Variants in SOX6 observed in about 807,000 individuals in gnomAD.
SOX6 encodes SRY-box transcription factor 6, also known as transcription factor SOX-6.
A neutral mutation model predicts 97.8 loss-of-function variants in SOX6; 11 were observed. The ratio of observed to expected loss-of-function variants is 0.11; its 90% CI spans 0.07 to 0.19. The LOEUF is 0.19. Among genes scored for constraint, SOX6 ranks in the 10% least tolerant of loss-of-function variants. SOX6 has a pLI of 1.00. For synonymous variants in SOX6, 360 were observed against 371.4 expected (o/e 0.97, Z 0.35); for missense variants, 810 against 1,039.5 (o/e 0.78, Z 3.04).
intron 1 of SOX6, among the ~76,000 whole-genome samples, chr11:16,473,698 T>G (rs1860184432): frequency 6.6e-6 from 1 of 152,032 alleles, no homozygotes; most frequent in East Asian, 1.9e-4. Flanking sequence ...ACTACAGGCA[T>G]GCACCACCAC....
chr11:16,006,122 C>T (rs1000013408), intron 13 of SOX6, among the ~76,000 whole-genome samples: 26 of 151,956 alleles, frequency 1.7e-4, no homozygotes, highest in African/African-American at 5.3e-4. Flanking sequence ...AATGAAAACC[C>T]ACCTAACACC....
chr11:16,501,372 G>A (rs180957161), intron 4 of SOX6, among the ~76,000 whole-genome samples: 1,668 of 152,268 alleles, frequency 0.011, 30 homozygotes, highest in East Asian at 0.052. Context: ...AGAAAACCTA[G>A]GCAATACCAT....
intron 3 of SOX6, among the ~76,000 whole-genome samples, chr11:16,713,917 C>T (rs1848198795): frequency 6.6e-6 from 1 of 152,180 alleles, no homozygotes; most frequent in Non-Finnish European, 1.5e-5. Context: ...TTTACTTCCC[C>T]ACTAAGCACA....
intron 3 of SOX6, among the ~76,000 whole-genome samples, chr11:16,624,761 A>G (rs1848599093): frequency 6.6e-6 from 1 of 152,168 alleles, no homozygotes; most frequent in Non-Finnish European, 1.5e-5. Context: ...GAGAATTTCA[A>G]TTGCCTCGCA....
At chr11:16,190,442 TAAAAC>T in intron 4 of SOX6, among the ~76,000 whole-genome samples, 1 of 152,202 alleles carries the variant, frequency 6.6e-6, no homozygotes, top group East Asian at 1.9e-4. Context: ...ATAACACAAA[TAAAAC>T]AACACAATAT....
In SOX6 at chr11:16,524,182, G is replaced by T. The variant is rs552627571; in HGVS notation, n.610-47794C>A. ...CGGGCAGAGACACAAACAAAAAAGA[G>T]AATTTTAGACCAATATCCTTGATGA... On this transcript the variant is annotated intron_variant and non_coding_transcript_variant, in intron 4 of 5. Coordinates refer to the SOX6 transcript ENST00000524520. 1.3e-3 allele frequency among the ~76,000 whole-genome samples: 191 copies of T among 152,130 alleles called. 1 individual carries two copies. The highest frequency in any genetic ancestry group is 2.9e-3 in the Admixed American group (44 of 15,282).
At chr11:16,602,149 T>C (rs1282471923) in intron 4 of SOX6, among the ~76,000 whole-genome samples, 1 of 152,186 alleles carries the variant, frequency 6.6e-6, no homozygotes, top group East Asian at 1.9e-4. Flanking sequence ...CAAGAGAATG[T>C]TCCTTCTCAT....
At chr11:16,100,820 G>A (rs527955948) in intron 7 of SOX6, among the ~76,000 whole-genome samples, 1 of 150,336 alleles carries the variant, frequency 6.7e-6, no homozygotes, top group South Asian at 2.1e-4. Context: ...TCTTCAGAAA[G>A]ACAAAGGACT....
chr11:16,085,981 C>T (rs1388321620), intron 9 of SOX6, among the ~76,000 whole-genome samples: 2 of 152,142 alleles, frequency 1.3e-5, no homozygotes, highest in African/African-American at 2.4e-5. Context: ...AGTCTCTTAC[C>T]TAAAGGTCTT....
intron 3 of SOX6, among the ~76,000 whole-genome samples, chr11:16,304,236 C>T (rs1187568541): frequency 3.9e-5 from 6 of 152,004 alleles, no homozygotes; most frequent in African/African-American, 1.4e-4. Flanking sequence ...TTTTTAATTT[C>T]AGTTTTCATA....
intron 2 of SOX6, among the ~76,000 whole-genome samples, chr11:16,328,443 T>C (rs953267256): frequency 1.3e-5 from 2 of 152,184 alleles, no homozygotes; most frequent in African/African-American, 4.8e-5. Flanking sequence ...AACTCAACCA[T>C]GTTAGTGATC....
chr11:16,451,932 A>G (rs890181022), intron 1 of SOX6, among the ~76,000 whole-genome samples: 6 of 151,848 alleles, frequency 4.0e-5, no homozygotes, highest in Admixed American at 3.3e-4. Context: ...TACTCAAGCC[A>G]TGGTCATGCC....
chr11:16,523,798 G>A (rs1861110712), intron 4 of SOX6, among the ~76,000 whole-genome samples: 1 of 152,054 alleles, frequency 6.6e-6, no homozygotes. Flanking sequence ...TGATAAAGGG[G>A]ATATCACCAC....
At chr11:16,317,526 T>C (rs1855787263) in intron 3 of SOX6, 2 of 154,122 alleles carry the variant, frequency 1.3e-5, no homozygotes, top group Non-Finnish European at 2.9e-5. Flanking sequence ...TGTGTCATAT[T>C]ACCTGATTAG....
At chr11:16,291,358 T>A (rs996042550) in intron 3 of SOX6, among the ~76,000 whole-genome samples, 2 of 147,514 alleles carry the variant, frequency 1.4e-5, no homozygotes, top group Non-Finnish European at 3.0e-5. Flanking sequence ...CTCAATATAA[T>A]GAATGAATAA....
intron 3 of SOX6, among the ~76,000 whole-genome samples, chr11:16,245,691 C>A (rs996030961): frequency 5.3e-5 from 8 of 151,472 alleles, no homozygotes; most frequent in Admixed American, 5.3e-4. Flanking sequence ...ATGAAATGTC[C>A]TTCTTTATCT....
In SOX6 at chr11:16,500,789, A is replaced by G. The variant is rs2133142660; in HGVS notation, n.610-24401T>C. On this transcript the variant is annotated intron_variant and non_coding_transcript_variant, in intron 4 of 5. Transcript: ENST00000524520. ...ACCTCATCAAGGAGAACCACAATCC[A>G]CTGCTCAATGAAATAAAAGAGGATA... Among the ~76,000 whole-genome samples, 2 of 152,344 alleles carry G rather than the reference A, an allele frequency of 1.3e-5. 1 individual carries two copies. The highest frequency in any genetic ancestry group is 4.1e-4 in the South Asian group (2 of 4,834).
intron 4 of SOX6, among the ~76,000 whole-genome samples, chr11:16,497,274 A>C (rs1485400671): frequency 6.6e-6 from 1 of 152,186 alleles, no homozygotes; most frequent in Non-Finnish European, 1.5e-5. Context: ...TTAGAAGGAA[A>C]ACTAACACAC....
chr11:16,591,436 T>C (rs569756019), intron 4 of SOX6, among the ~76,000 whole-genome samples: 32 of 152,222 alleles, frequency 2.1e-4, no homozygotes, highest in Middle Eastern at 6.8e-3. Context: ...TAACTTAATC[T>C]GGTCTTCAAG....
Sources: allele counts gnomAD v4.1 joint callset (sites outside exome capture counted in the v4.1 genomes callset), GRCh38; gene constraint gnomAD v4.1.1; transcripts MANE v1.5; gene names NCBI Gene and HGNC (gene_info 2026-07-23, HGNC 2026-07-21).